Variants in BANK1 observed in about 807,000 individuals in gnomAD.
BANK1 encodes the protein B-cell scaffold protein with ankyrin repeats.
A neutral mutation model predicts 94.5 loss-of-function variants in BANK1; 95 were observed. That is an observed-to-expected ratio of 1.00 (90% CI 0.85 to 1.19). The LOEUF (loss-of-function observed/expected upper bound fraction) is 1.19. Among genes scored for constraint, BANK1 ranks in the 50% most tolerant of loss-of-function variants. BANK1 has a pLI of 0.00. For missense variants in BANK1, 987 were observed against 932.2 expected (o/e 1.06, Z -0.77); for synonymous variants, 334 against 308.4 (o/e 1.08, Z -0.87).
intron 7 of BANK1, among the ~76,000 whole-genome samples, chr4:101,925,435 G>T (rs1723124129): frequency 6.6e-6 from 1 of 151,692 alleles, no homozygotes; most frequent in Non-Finnish European, 1.5e-5. Flanking sequence ...AGTAGGTAAT[G>T]ATTTTTATGC....
rs1318908826 is a variant in BANK1 at position 101,862,069 on chromosome 4, AG to A, written c.625-456del. On this transcript the variant is annotated intron_variant, in intron 3 of 16. Coordinates refer to ENST00000322953, the MANE Select transcript of BANK1 (RefSeq NM_017935.5). ...TAAAAGTCATTATATTTAAATTGTA[AG>A]AGATCTTAAACTTTTTCAATTCTAT... Among the ~76,000 whole-genome samples, 6 of 152,150 alleles carry A rather than the reference AG, an allele frequency of 3.9e-5. No individual in the cohort carries two copies. In the East Asian group the frequency reaches 9.6e-4, roughly 24 times the overall value.
intron 2 of BANK1, among the ~76,000 whole-genome samples, chr4:101,840,050 G>A (rs2148867329): frequency 8.4e-6 from 1 of 119,092 alleles, no homozygotes; most frequent in Middle Eastern, 5.9e-3. Context: ...CTCACTGCAA[G>A]CTCCGCCTCC....
chr4:102,002,586 C>T (rs1007521081), intron 7 of BANK1, among the ~76,000 whole-genome samples: 147 of 128,906 alleles, frequency 1.1e-3, no homozygotes, highest in African/African-American at 3.4e-3. Context: ...CACACACACA[C>T]ACATATATAT....
At chr4:101,894,172 A>G (rs1721978567) in intron 5 of BANK1, among the ~76,000 whole-genome samples, 1 of 152,024 alleles carries the variant, frequency 6.6e-6, no homozygotes, top group South Asian at 2.1e-4. Context: ...TTCATTGCCC[A>G]TATGTGATTA....
intron 7 of BANK1, among the ~76,000 whole-genome samples, chr4:101,944,349 G>A (rs778574844): frequency 1.2e-4 from 18 of 151,696 alleles, no homozygotes; most frequent in Non-Finnish European, 2.4e-4. Context: ...ACCTCCCTTG[G>A]CTCATCCAAT....
At chr4:101,981,070 T>C (rs531337608) in intron 7 of BANK1, among the ~76,000 whole-genome samples, 1 of 152,104 alleles carries the variant, frequency 6.6e-6, no homozygotes, top group Non-Finnish European at 1.5e-5. Flanking sequence ...TCTAATTTTG[T>C]CCTCTTGTGA....
intron 13 of BANK1, among the ~76,000 whole-genome samples, chr4:102,070,974 G>A (rs1442296613): frequency 2.6e-5 from 4 of 152,152 alleles, no homozygotes; most frequent in Non-Finnish European, 4.4e-5. Flanking sequence ...GAATGAAGTA[G>A]CTCAAGCTAG....
At position 101,924,702 on chromosome 4, in the gene BANK1, A is replaced by G. The variant is rs144593833; in HGVS notation, c.1206+6513A>G. 4.1e-3 allele frequency among the ~76,000 whole-genome samples: 627 copies of G among 151,926 alleles called. 4 individuals are homozygous for G. The highest frequency in any genetic ancestry group is 0.014 in the African/African-American group (568 of 41,506). ...ACATAAACAGATTATTGCATTATCA[A>G]TTTACATCACCAAAAGATAAATTAG... On this transcript the variant is annotated intron_variant, in intron 7 of 16. Coordinates refer to ENST00000322953, the MANE Select transcript of BANK1 (RefSeq NM_017935.5).
At chr4:101,922,985 A>C (rs548624532) in intron 7 of BANK1, among the ~76,000 whole-genome samples, 1 of 151,920 alleles carries the variant, frequency 6.6e-6, no homozygotes, top group East Asian at 1.9e-4. Flanking sequence ...TTTATTGTCA[A>C]ATTTTCCATT....
intron 7 of BANK1, among the ~76,000 whole-genome samples, chr4:101,928,382 G>C (rs972915980): frequency 1.3e-5 from 2 of 151,560 alleles, no homozygotes; most frequent in African/African-American, 4.8e-5. Context: ...GCTGGTATGA[G>C]TGTCTTGTGG....
chr4:102,003,086 C>T (rs1207214739), intron 7 of BANK1, among the ~76,000 whole-genome samples: 2 of 152,086 alleles, frequency 1.3e-5, no homozygotes, highest in East Asian at 1.9e-4. Flanking sequence ...TAGCTAAGGT[C>T]GGCAGCACAG....
At chr4:101,819,940 G>A (rs1052921535) in intron 1 of BANK1, among the ~76,000 whole-genome samples, 1 of 152,138 alleles carries the variant, frequency 6.6e-6, no homozygotes, top group Non-Finnish European at 1.5e-5. Flanking sequence ...GAAGGATAAG[G>A]AGGAGAAGAA....
intron 6 of BANK1, among the ~76,000 whole-genome samples, chr4:101,915,903 G>A (rs989788346): frequency 6.6e-6 from 1 of 151,904 alleles, no homozygotes; most frequent in African/African-American, 2.4e-5. Flanking sequence ...GTTATATAAT[G>A]GTTCTCCTGT....
intron 6 of BANK1, among the ~76,000 whole-genome samples, chr4:101,900,382 T>C (rs2148892937): frequency 6.6e-6 from 1 of 152,328 alleles, no homozygotes; most frequent in Non-Finnish European, 1.5e-5. Flanking sequence ...ATTTTACACA[T>C]CGCTTAATAT....
chr4:102,004,829 T>C (rs929964720), intron 7 of BANK1, among the ~76,000 whole-genome samples: 7 of 152,170 alleles, frequency 4.6e-5, no homozygotes, highest in African/African-American at 1.2e-4. Flanking sequence ...AAGATTATTA[T>C]GTGCCTTTTG....
At chr4:101,822,263 G>A (rs143249712) in intron 1 of BANK1, among the ~76,000 whole-genome samples, 139 of 151,978 alleles carry the variant, frequency 9.1e-4, no homozygotes, top group African/African-American at 3.1e-3. Context: ...CCAGCTACTC[G>A]GGAGGCTGAG....
At chr4:101,828,610 T>A (rs1207921823) in intron 1 of BANK1, among the ~76,000 whole-genome samples, 1 of 152,052 alleles carries the variant, frequency 6.6e-6, no homozygotes, top group Non-Finnish European at 1.5e-5. Flanking sequence ...ATTATGTCTT[T>A]CGATTCATCC....
chr4:101,799,870 T>C lies in BANK1; in HGVS notation c.70+8920T>C, dbSNP rs1270455572. Among the ~76,000 whole-genome samples the C allele has an allele frequency of 2.0e-5, 3 of 151,656 alleles. No individual in the cohort carries two copies. In the East Asian group the frequency reaches 5.8e-4, roughly 29 times the overall value. On this transcript the variant is annotated intron_variant, in intron 1 of 16. Transcript: ENST00000322953. ...GCCTGGGTGACAGAGTGAGATTCCA[T>C]CTCAAAAATAAGTAAATAAATAAAT...
At chr4:101,990,388 C>A (rs1378168431) in intron 7 of BANK1, among the ~76,000 whole-genome samples, 1 of 152,192 alleles carries the variant, frequency 6.6e-6, no homozygotes, top group Non-Finnish European at 1.5e-5. Flanking sequence ...GGTTACTCTG[C>A]AAATCTAATA....
Sources: gnomAD v4.1 joint callset for allele counts (sites outside exome capture counted in the v4.1 genomes callset) on GRCh38, gnomAD v4.1.1 for gene constraint, MANE v1.5 for transcripts, NCBI Gene and HGNC (gene_info 2026-07-23, HGNC 2026-07-21) for gene names.